MGAT4C: variants seen among roughly 807,000 people sequenced by gnomAD.
MGAT4C encodes alpha-1,3-mannosyl-glycoprotein 4-beta-N-acetylglucosaminyltransferase C.
Under a neutral mutation model 40.1 loss-of-function variants are expected in MGAT4C, and 19 were observed. The ratio of observed to expected loss-of-function variants is 0.47; its 90% CI spans 0.33 to 0.70. The LOEUF is 0.70. Ranked by LOEUF, MGAT4C falls within the 30% of genes least tolerant of loss-of-function variation. The probability of loss-of-function intolerance (pLI) is 0.02; values close to 1 mark genes in which losing one functional copy is unlikely to be tolerated. For missense variants in MGAT4C, 491 were observed against 563.2 expected, an observed-to-expected ratio of 0.87 and a Z score of 1.30; for synonymous variants, 181 against 187.1, an observed-to-expected ratio of 0.97 and a Z score of 0.27.
intron 1 of MGAT4C, among the ~76,000 whole-genome samples, chr12:86,235,090 G>C (rs572583148): frequency 6.6e-6 from 1 of 151,716 alleles, no homozygotes; most frequent in Admixed American, 6.6e-5. Context: ...TTCCATTGCT[G>C]GGTTAGTTCA....
chr12:85,970,025 G>A lies in MGAT4C; in HGVS notation c.*9264C>T, dbSNP rs925348076. On this transcript the variant is annotated 3_prime_UTR_variant, in exon 5 of 5. Coordinates refer to ENST00000611864, the MANE Select transcript of MGAT4C (RefSeq NM_001351288.2). Reference sequence around the variant, plus strand: ...AAATTAGAAGTTATTTGTTATATTTGTTTCGTTTCCTTATTGCCCTAGATG... The same window carrying A: ...AAATTAGAAGTTATTTGTTATATTTATTTCGTTTCCTTATTGCCCTAGATG... 1.1e-4 allele frequency: 17 copies of A among 151,160 alleles called. No homozygotes were observed. The highest frequency in any genetic ancestry group is 7.3e-4 in the Admixed American group (11 of 15,132). The allele number at this position is 151,160 out of a possible 1,614,324, so 9.4% of individuals were successfully genotyped here.
chr12:86,665,048 C>T lies in MGAT4C; in HGVS notation c.-229+62161G>A, dbSNP rs376878534. On this transcript the variant is annotated intron_variant, in intron 2 of 7. Coordinates refer to the MGAT4C transcript ENST00000548651. ...AGAGTAGAATAATCAATAATCTAGC[C>T]CCCTCCCCCCACCACCTTGTTCTAT... Among the ~76,000 whole-genome samples the T allele has an allele frequency of 3.1e-3, 467 of 151,756 alleles. 2 individuals are homozygous for T. Among genetic ancestry groups the T allele is most frequent in the Middle Eastern group, 0.014 (4 of 294 alleles).
At chr12:86,605,690 A>T (rs1055854519) in intron 2 of MGAT4C, among the ~76,000 whole-genome samples, 3 of 152,198 alleles carry the variant, frequency 2.0e-5, no homozygotes, top group Admixed American at 2.0e-4. Context: ...AGCTCTGACC[A>T]CTTGGAAGAT....
At chr12:86,403,058 T>G (rs1445923994) in intron 3 of MGAT4C, among the ~76,000 whole-genome samples, 1 of 152,188 alleles carries the variant, frequency 6.6e-6, no homozygotes, top group Non-Finnish European at 1.5e-5. Flanking sequence ...ATATTGGCCA[T>G]GACTATCAAA....
At chr12:86,349,512 C>G (rs1370584596) in intron 3 of MGAT4C, among the ~76,000 whole-genome samples, 1 of 152,146 alleles carries the variant, frequency 6.6e-6, no homozygotes, top group African/African-American at 2.4e-5. Flanking sequence ...TGCTTTCTAG[C>G]CACATTCTGC....
chr12:86,111,998 G>A (rs1415511312), intron 1 of MGAT4C, among the ~76,000 whole-genome samples: 1 of 151,808 alleles, frequency 6.6e-6, no homozygotes, highest in Non-Finnish European at 1.5e-5. Context: ...GTATGTACAT[G>A]TGTATACTGT....
intron 3 of MGAT4C, 43 bp from the exon 4 acceptor site, chr12:85,983,713 A>C: frequency 7.1e-7 from 1 of 1,413,588 alleles, no homozygotes; most frequent in South Asian, 1.5e-5. Flanking sequence ...TAAATAATAG[A>C]TGGTCATGGA....
rs187600128 is a variant in MGAT4C at position 86,192,705 on chromosome 12, T to C, written c.-57+63534A>G. Reference sequence around the variant, plus strand: ...TTAATATTTTGGGTGATTTTTGTTGTTGTTGATATTGAGGTATCTTCTACA... The same window carrying C: ...TTAATATTTTGGGTGATTTTTGTTGCTGTTGATATTGAGGTATCTTCTACA... On this transcript the variant is annotated intron_variant, in intron 1 of 4. Coordinates refer to ENST00000611864, the MANE Select transcript of MGAT4C (RefSeq NM_001351288.2). Among the ~76,000 whole-genome samples, 828 of 152,330 alleles carry C rather than the reference T, an allele frequency of 5.4e-3. 3 individuals carry two copies. Among genetic ancestry groups the C allele is most frequent in the Non-Finnish European group, 8.5e-3 (579 of 68,032 alleles).
intron 4 of MGAT4C, among the ~76,000 whole-genome samples, chr12:86,325,673 T>C (rs935447927): frequency 6.6e-6 from 1 of 151,838 alleles, no homozygotes; most frequent in Non-Finnish European, 1.5e-5. Flanking sequence ...AGCCCAGGAG[T>C]TCAAGACCAG....
At chr12:86,134,400 C>T (rs1881661159) in intron 1 of MGAT4C, among the ~76,000 whole-genome samples, 1 of 151,998 alleles carries the variant, frequency 6.6e-6, no homozygotes, top group African/African-American at 2.4e-5. Context: ...ACCCCAAACC[C>T]ATTATAAAAA....
intron 2 of MGAT4C, among the ~76,000 whole-genome samples, chr12:86,477,940 G>A (rs937635235): frequency 2.0e-5 from 3 of 152,086 alleles, no homozygotes; most frequent in African/African-American, 4.8e-5. Flanking sequence ...AACAGTCTTC[G>A]AACTAACTTG....
In MGAT4C at chr12:86,405,262, T is replaced by TA. The variant is rs1956441323; in HGVS notation, c.-120+29894dup. On this transcript the variant is annotated intron_variant, in intron 3 of 7. Coordinates refer to the MGAT4C transcript ENST00000548651. The stretch of plus-strand genomic sequence containing the variant: ...CTACGTAAAATAATCCCAAGGAATC[T>TA]AAAAAATGTTCCTAGAACTAATAAG... Among the ~76,000 whole-genome samples the TA allele has an allele frequency of 2.0e-5, 3 of 152,074 alleles. No homozygotes were observed. The South Asian group carries it at 6.2e-4, about 32-fold the overall frequency.
chr12:86,836,419 C>A (rs1438891224), intron 1 of MGAT4C, among the ~76,000 whole-genome samples: 1 of 151,558 alleles, frequency 6.6e-6, no homozygotes, highest in South Asian at 2.1e-4. Flanking sequence ...TTTTTTTGTC[C>A]TACATGTTGC....
intron 2 of MGAT4C, among the ~76,000 whole-genome samples, chr12:86,480,761 T>C (rs1322803101): frequency 6.6e-6 from 1 of 151,836 alleles, no homozygotes; most frequent in South Asian, 2.1e-4. Context: ...CCAACTTTGC[T>C]GCAATTAACA....
intron 3 of MGAT4C, among the ~76,000 whole-genome samples, chr12:86,335,174 C>T (rs1954755235): frequency 6.6e-6 from 1 of 152,040 alleles, no homozygotes; most frequent in Non-Finnish European, 1.5e-5. Flanking sequence ...AAGCCCTTAA[C>T]ATTCCCTCTG....
chr12:86,128,157 C>T (rs1001607981), intron 1 of MGAT4C, among the ~76,000 whole-genome samples: 1 of 152,052 alleles, frequency 6.6e-6, no homozygotes, highest in African/African-American at 2.4e-5. Flanking sequence ...CTTCATTAGG[C>T]GACAGGAATT....
rs539428384 is a variant in MGAT4C at position 86,297,706 on chromosome 12, C to T, written c.-57+36359G>A. Among the ~76,000 whole-genome samples, 12 of 152,236 alleles carry T rather than the reference C, an allele frequency of 7.9e-5. No homozygotes were observed. The South Asian group carries it at 1.2e-3, about 16-fold the overall frequency. On this transcript the variant is annotated intron_variant, in intron 4 of 7. Coordinates refer to the MGAT4C transcript ENST00000548651. ...TTTGGGTTTGTTGCACCTTTGACTA[C>T]TATCAACTCATACACAGGTGGTTTA...
chr12:86,104,408 C>G (rs1875751582), intron 1 of MGAT4C, among the ~76,000 whole-genome samples: 1 of 152,058 alleles, frequency 6.6e-6, no homozygotes, highest in African/African-American at 2.4e-5. Context: ...CCATTGCACT[C>G]TAGCGTAGGT....
chr12:85,957,657 C>CAAAAAAAAAAAAAAAAAAAAAAAAAA lies in MGAT4C; in HGVS notation c.*21631_*21632insTTTTTTTTTTTTTTTTTTTTTTTTTT. On this transcript the variant is annotated 3_prime_UTR_variant, in exon 5 of 5. Coordinates refer to ENST00000611864, the MANE Select transcript of MGAT4C (RefSeq NM_001351288.2). ...TTTACTGTAGAGTTGAATAAGAAAG[C>CAAAAAAAAAAAAAAAAAAAAAAAAAA]AAAAAAAAAAAAAAAAGAAAAAAGA... 9.9e-6 allele frequency: 1 copy of CAAAAAAAAAAAAAAAAAAAAAAAAAA among 101,302 alleles called. No homozygotes were observed. The highest frequency in any genetic ancestry group is 1.9e-5 in the Non-Finnish European group (1 of 52,738). 6.3% of individuals were successfully genotyped at this position (101,302 alleles called of 1,614,324 possible). A position where few individuals can be genotyped will look rare whatever the true frequency, so the allele number is the denominator to read the frequency against.
Sources: gnomAD v4.1 joint callset for allele counts (sites outside exome capture counted in the v4.1 genomes callset) on GRCh38, gnomAD v4.1.1 for gene constraint, MANE v1.5 for transcripts, NCBI Gene and HGNC (gene_info 2026-07-23, HGNC 2026-07-21) for gene names.